Variants in IFT122 observed in about 807,000 individuals in gnomAD.
IFT122 encodes the protein intraflagellar transport protein 122 homolog.
Under a neutral mutation model 161.6 loss-of-function variants are expected in IFT122, and 118 were observed. That is an observed-to-expected ratio of 0.73 (90% confidence interval 0.63 to 0.85). IFT122 has a LOEUF of 0.85. IFT122 is among the 40% of genes least tolerant of loss of function. The probability of loss-of-function intolerance (pLI) is 0.00; values close to 1 mark genes in which losing one functional copy is unlikely to be tolerated. For missense variants in IFT122, 1,381 were observed against 1,579.6 expected (o/e 0.87, Z 2.13); for synonymous variants, 550 against 602.4 (o/e 0.91, Z 1.27).
chr3:129,503,488 C>G (rs1253593845), intron 20 of IFT122, among the ~76,000 whole-genome samples: 1 of 152,118 alleles, frequency 6.6e-6, no homozygotes, highest in African/African-American at 2.4e-5. Flanking sequence ...GGCTCAACCC[C>G]CACCCTCCAG....
intron 16 of IFT122, among the ~76,000 whole-genome samples, chr3:129,490,627 C>T (rs1413306110): frequency 3.9e-5 from 6 of 152,206 alleles, no homozygotes; most frequent in African/African-American, 1.4e-4. Context: ...CCCCTTTCCA[C>T]AAAGAAGATG....
chr3:129,479,176 C>T (rs2078327878), intron 12 of IFT122, among the ~76,000 whole-genome samples: 1 of 145,316 alleles, frequency 6.9e-6, no homozygotes, highest in African/African-American at 2.6e-5. Flanking sequence ...AATCCCAGCA[C>T]TTTGGGAGGC....
chr3:129,488,787 G>T (rs1345539881), intron 16 of IFT122, among the ~76,000 whole-genome samples: 1 of 152,068 alleles, frequency 6.6e-6, no homozygotes, highest in African/African-American at 2.4e-5. Flanking sequence ...TATTATCGGT[G>T]TAGTCACTGG....
chr3:129,466,214 A>G (rs2076756687), intron 7 of IFT122, among the ~76,000 whole-genome samples: 1 of 152,122 alleles, frequency 6.6e-6, no homozygotes, highest in Non-Finnish European at 1.5e-5. Flanking sequence ...GCTCAATGTC[A>G]TTTTACAGAT....
intron 9 of IFT122, among the ~76,000 whole-genome samples, chr3:129,475,790 G>A (rs2077862863): frequency 6.6e-6 from 1 of 152,168 alleles, no homozygotes; most frequent in Non-Finnish European, 1.5e-5. Context: ...CTCCAGCCTG[G>A]GTGACAGAGT....
At position 129,454,564 on chromosome 3, in the gene IFT122, T is replaced by A. The variant is rs1375185553; in HGVS notation, c.193+2566T>A. ...GTGTGTGTGTGTGTGTGTGCATGTT[T>A]GAGTTCAAGTTCAGAATAATGTTTT... On this transcript the variant is annotated intron_variant, in intron 3 of 29. Coordinates refer to ENST00000348417, the MANE Select transcript of IFT122 (RefSeq NM_052989.3). Among the ~76,000 whole-genome samples the A allele has an allele frequency of 7.4e-5, 11 of 148,484 alleles. No individual in the cohort carries two copies. In the South Asian group the frequency reaches 2.4e-3, roughly 32 times the overall value.
At chr3:129,463,774 C>T (rs2076426556) in intron 6 of IFT122, 148 bp downstream of exon 6, 2 of 681,174 alleles carry the variant, frequency 2.9e-6, no homozygotes, top group African/African-American at 3.6e-5. Context: ...TCTTCGTCTC[C>T]TCGATGGGAA....
chr3:129,491,932 T>C (rs2080157319), intron 16 of IFT122, among the ~76,000 whole-genome samples: 1 of 152,236 alleles, frequency 6.6e-6, no homozygotes, highest in Admixed American at 6.5e-5. Context: ...ATGTCTTTGC[T>C]GTTCTTTACA....
At chr3:129,456,183 C>G (rs1040997770) in intron 3 of IFT122, 1 of 1,200,790 alleles carries the variant, frequency 8.3e-7, no homozygotes, top group Admixed American at 2.3e-5. Context: ...GAATTCTGAC[C>G]CAGAGACTCT....
At chr3:129,444,565 A>C (rs965882939) in intron 1 of IFT122, among the ~76,000 whole-genome samples, 15 of 151,646 alleles carry the variant, frequency 9.9e-5, no homozygotes, top group Non-Finnish European at 8.8e-5. Context: ...CTCTGTTGCC[A>C]GGCTGGAGTG....
chr3:129,469,467 A>G (rs370626855), intron 9 of IFT122, 50 bp downstream of exon 9: 169 of 1,364,834 alleles, frequency 1.2e-4, no homozygotes, highest in Non-Finnish European at 1.8e-4. Flanking sequence ...TTATATTTTC[A>G]TTTTCTGAGA....
chr3:129,451,792 T>C (rs2074889206), intron 2 of IFT122, 122 bp from the exon 3 acceptor site: 1 of 865,540 alleles, frequency 1.2e-6, no homozygotes, highest in Admixed American at 1.9e-5. Context: ...GCAGTTTTTA[T>C]TGGCTACAGA....
At chr3:129,483,957 C>T (rs2078970526) in intron 15 of IFT122, 7 of 503,530 alleles carry the variant, frequency 1.4e-5, no homozygotes, top group East Asian at 7.6e-5. Flanking sequence ...TTGTCAGCAG[C>T]GTGTGTTTTG....
chr3:129,503,907 C>T (rs146233778), intron 20 of IFT122: 5 of 331,646 alleles, frequency 1.5e-5, no homozygotes, highest in East Asian at 1.7e-4. Flanking sequence ...CCATACAGCA[C>T]GAAGCCCACA....
chr3:129,490,866 C>T (rs2079997927), intron 16 of IFT122, among the ~76,000 whole-genome samples: 1 of 152,210 alleles, frequency 6.6e-6, no homozygotes, highest in African/African-American at 2.4e-5. Context: ...TCTACGAATT[C>T]CTCTTCACAA....
chr3:129,459,414 C>T (rs536774431), intron 4 of IFT122: 18 of 385,100 alleles, frequency 4.7e-5, no homozygotes, highest in South Asian at 1.9e-4. Flanking sequence ...CTCAGCCTCC[C>T]GAGTAGCTGG....
chr3:129,487,446 C>T (rs952157676), intron 15 of IFT122: 15 of 152,872 alleles, frequency 9.8e-5, no homozygotes, highest in African/African-American at 3.1e-4. Context: ...ATACCTACTG[C>T]ACAGGACTGT....
intron 23 of IFT122, among the ~76,000 whole-genome samples, chr3:129,511,010 G>A (rs979172051): frequency 1.3e-5 from 2 of 152,206 alleles, no homozygotes; most frequent in Admixed American, 1.3e-4. Context: ...AGTGGAGGAG[G>A]ATTAGGAAGG....
At chr3:129,456,039 CATGTA>C in intron 3 of IFT122, 1 of 452,440 alleles carries the variant, frequency 2.2e-6, no homozygotes, top group Non-Finnish European at 4.4e-6. Context: ...TGTATGTACA[CATGTA>C]CATACACTCA....
Sources: allele counts gnomAD v4.1 joint callset (sites outside exome capture counted in the v4.1 genomes callset), GRCh38; gene constraint gnomAD v4.1.1; transcripts MANE v1.5; gene names NCBI Gene and HGNC (gene_info 2026-07-23, HGNC 2026-07-21).